Variants in CSRNP3 observed in about 807,000 individuals in gnomAD.
CSRNP3 encodes the protein cysteine and serine rich nuclear protein 3, also known as cysteine/serine-rich nuclear protein 3.
CSRNP3 carries 12 observed loss-of-function variants against 48.0 expected under a neutral mutation model. The ratio of observed to expected loss-of-function variants is 0.25; its 90% CI spans 0.16 to 0.41. The LOEUF is 0.41. CSRNP3 is among the 10% of genes least tolerant of loss of function. The pLI, the probability that CSRNP3 is intolerant of heterozygous loss-of-function variation, is 1.00. For missense variants in CSRNP3, 580 were observed against 724.4 expected, an observed-to-expected ratio of 0.80 and a Z score of 2.29; for synonymous variants, 263 against 269.7, an observed-to-expected ratio of 0.98 and a Z score of 0.24.
At chr2:165,656,249 T>A (rs1370972468) in intron 4 of CSRNP3, among the ~76,000 whole-genome samples, 1 of 152,198 alleles carries the variant, frequency 6.6e-6, no homozygotes, top group South Asian at 2.1e-4. Flanking sequence ...GTTACTTCAA[T>A]GTAAAATGAA....
chr2:165,591,125 A>G (rs902096119), intron 3 of CSRNP3, among the ~76,000 whole-genome samples: 21 of 152,202 alleles, frequency 1.4e-4, no homozygotes, highest in Admixed American at 9.2e-4. Context: ...AAATGCTGAT[A>G]GTGATATGGA....
intron 1 of CSRNP3, among the ~76,000 whole-genome samples, chr2:165,493,808 G>T (rs900115829): frequency 2.0e-5 from 3 of 151,906 alleles, no homozygotes; most frequent in Non-Finnish European, 4.4e-5. Context: ...ATATTTCTTG[G>T]TATCCTTGTT....
intron 3 of CSRNP3, among the ~76,000 whole-genome samples, chr2:165,518,262 CT>C (rs1291121301): frequency 1.3e-5 from 2 of 152,026 alleles, no homozygotes; most frequent in African/African-American, 4.8e-5. Context: ...ATTTTTCTTT[CT>C]GATTGTTAAA....
chr2:165,558,142 G>C (rs181688392), intron 3 of CSRNP3, among the ~76,000 whole-genome samples: 1 of 152,094 alleles, frequency 6.6e-6, no homozygotes, highest in African/African-American at 2.4e-5. Context: ...AAAATTAAGG[G>C]GGGGAAAAAA....
At chr2:165,562,741 A>C (rs894290768) in intron 3 of CSRNP3, among the ~76,000 whole-genome samples, 1 of 152,192 alleles carries the variant, frequency 6.6e-6, no homozygotes, top group African/African-American at 2.4e-5. Context: ...ATAAATATGA[A>C]TAAGACAAGG....
rs1480497722 is a variant in CSRNP3 at position 165,685,241 on chromosome 2, T to C, written c.*5488T>C. 2.0e-5 allele frequency: 3 copies of C among 152,118 alleles called. No individual in the cohort carries two copies. Among genetic ancestry groups the C allele is most frequent in the African/African-American group, 7.2e-5 (3 of 41,454 alleles). The allele number at this position is 152,118 out of a possible 1,614,324, so 9.4% of individuals were successfully genotyped here. A position where few individuals can be genotyped will look rare whatever the true frequency, so the allele number is the denominator to read the frequency against. Reference sequence around the variant, plus strand: ...TTAAAACAGTCACTTCTAAATTTTATTTTGACTCCTTTCTTGGCTTTTTCA... The same window carrying C: ...TTAAAACAGTCACTTCTAAATTTTACTTTGACTCCTTTCTTGGCTTTTTCA... On this transcript the variant is annotated 3_prime_UTR_variant, in exon 7 of 7. Coordinates refer to ENST00000651982, the MANE Select transcript of CSRNP3 (RefSeq NM_001172173.2).
At chr2:165,575,363 C>T (rs1685431390) in intron 3 of CSRNP3, among the ~76,000 whole-genome samples, 1 of 152,024 alleles carries the variant, frequency 6.6e-6, no homozygotes, top group Admixed American at 6.6e-5. Context: ...ATCAATTCAG[C>T]AGTTACAATG....
chr2:165,589,039 A>G (rs993069160), intron 3 of CSRNP3, among the ~76,000 whole-genome samples: 2 of 152,194 alleles, frequency 1.3e-5, no homozygotes, highest in Non-Finnish European at 2.9e-5. Context: ...TATACTACCA[A>G]GTTTAATTTG....
intron 3 of CSRNP3, among the ~76,000 whole-genome samples, chr2:165,567,565 A>G (rs938996646): frequency 6.6e-5 from 10 of 152,106 alleles, no homozygotes; most frequent in African/African-American, 2.2e-4. Flanking sequence ...GTAGTCTAAT[A>G]TCCAAATAGA....
chr2:165,560,865 C>T (rs1308629642), intron 3 of CSRNP3, among the ~76,000 whole-genome samples: 1 of 152,108 alleles, frequency 6.6e-6, no homozygotes, highest in African/African-American at 2.4e-5. Context: ...AGTGGTATGT[C>T]TTTAATCGCT....
intron 4 of CSRNP3, among the ~76,000 whole-genome samples, chr2:165,612,465 TA>T (rs1490054782): frequency 2.6e-5 from 4 of 152,042 alleles, no homozygotes; most frequent in Non-Finnish European, 1.5e-5. Flanking sequence ...AAATATACAC[TA>T]AATTATTGTT....
intron 3 of CSRNP3, among the ~76,000 whole-genome samples, chr2:165,570,394 T>A (rs1277429871): frequency 6.6e-6 from 1 of 152,012 alleles, no homozygotes; most frequent in Non-Finnish European, 1.5e-5. Context: ...TCATATTCCT[T>A]GTATTTATTT....
At chr2:165,470,344 G>C (rs190649805) in intron 1 of CSRNP3, among the ~76,000 whole-genome samples, 2 of 152,002 alleles carry the variant, frequency 1.3e-5, no homozygotes, top group Admixed American at 6.6e-5. Flanking sequence ...ATTTTATTCA[G>C]CAAACTTTAA....
chr2:165,645,700 GACC>G (rs1686799957), intron 4 of CSRNP3, among the ~76,000 whole-genome samples: 1 of 152,078 alleles, frequency 6.6e-6, no homozygotes, highest in East Asian at 1.9e-4. Flanking sequence ...CTGCCCTTAT[GACC>G]TCTGCTTTAA....
rs557549271 is a variant in CSRNP3 at position 165,493,894 on chromosome 2, G to T, written c.-282-865G>T. ...CATATGACCCAACTTACTTATCGAG[G>T]TTACCTACCAGTGTAGGAATTTTTG... On this transcript the variant is annotated intron_variant, in intron 1 of 6. Transcript: ENST00000651982. Among the ~76,000 whole-genome samples, 10 of 152,172 alleles carry T rather than the reference G, an allele frequency of 6.6e-5. No homozygotes were observed. The South Asian group carries it at 1.7e-3, about 25-fold the overall frequency.
At chr2:165,653,223 C>A (rs903532823) in intron 4 of CSRNP3, among the ~76,000 whole-genome samples, 5 of 152,208 alleles carry the variant, frequency 3.3e-5, no homozygotes, top group Non-Finnish European at 7.3e-5. Context: ...AGGAAAGCCA[C>A]ACTTATAATA....
chr2:165,519,108 C>T (rs1486823715), intron 3 of CSRNP3, among the ~76,000 whole-genome samples: 2 of 151,952 alleles, frequency 1.3e-5, no homozygotes, highest in Non-Finnish European at 2.9e-5. Flanking sequence ...CCATTACAAC[C>T]CACACCCAAA....
chr2:165,624,954 A>C (rs1474022055), intron 4 of CSRNP3, among the ~76,000 whole-genome samples: 4 of 152,220 alleles, frequency 2.6e-5, no homozygotes, highest in Non-Finnish European at 5.9e-5. Flanking sequence ...TTGGAGTCCC[A>C]GTCTGACTGT....
chr2:165,469,871 C>G (rs1339730773), intron 1 of CSRNP3, 131 bp downstream of exon 1: 2 of 152,004 alleles, frequency 1.3e-5, no homozygotes, highest in African/African-American at 4.8e-5. Flanking sequence ...AAGTGTGTCC[C>G]TTTTATTACT....
Sources: allele counts gnomAD v4.1 joint callset (sites outside exome capture counted in the v4.1 genomes callset), GRCh38; gene constraint gnomAD v4.1.1; transcripts MANE v1.5; gene names NCBI Gene and HGNC (gene_info 2026-07-23, HGNC 2026-07-21).